The following MYO3B variants were observed in gnomAD, a reference collection of about 807,000 sequenced individuals.
The protein encoded by MYO3B is myosin-IIIb.
MYO3B carries 156 observed loss-of-function variants against 174.6 expected under a neutral mutation model. The observed-to-expected ratio is 0.89, with a 90% confidence interval of 0.78 to 1.02. The LOEUF (loss-of-function observed/expected upper bound fraction) is 1.02, where lower values mean the gene tolerates loss of function less well. Ranked by LOEUF, MYO3B falls within the 50% of genes least tolerant of loss-of-function variation. The pLI is 0.00. For synonymous variants in MYO3B, 563 were observed against 569.1 expected, an observed-to-expected ratio of 0.99 and a Z score of 0.15; for missense variants, 1,632 against 1,639.4, an observed-to-expected ratio of 1.00 and a Z score of 0.08.
intron 23 of MYO3B, among the ~76,000 whole-genome samples, chr2:170,448,573 G>A (rs1683398240): frequency 6.6e-6 from 1 of 152,136 alleles, no homozygotes; most frequent in African/African-American, 2.4e-5. Flanking sequence ...CATGACAAGG[G>A]TGTTAGTATC....
At chr2:170,509,639 G>A (rs2106110602) in intron 28 of MYO3B, among the ~76,000 whole-genome samples, 1 of 152,266 alleles carries the variant, frequency 6.6e-6, no homozygotes, top group Non-Finnish European at 1.5e-5. Flanking sequence ...AAATTTTCAG[G>A]AAGCTCAAAA....
intron 3 of MYO3B, among the ~76,000 whole-genome samples, chr2:170,208,285 A>G (rs1317142686): frequency 6.6e-6 from 1 of 152,194 alleles, no homozygotes; most frequent in Non-Finnish European, 1.5e-5. Flanking sequence ...CCAAATGCTA[A>G]GGTGAAGCTG....
chr2:170,268,803 A>G (rs2093403550), intron 7 of MYO3B, among the ~76,000 whole-genome samples: 1 of 152,192 alleles, frequency 6.6e-6, no homozygotes, highest in African/African-American at 2.4e-5. Context: ...AACTTCTTCA[A>G]ATAAGAAAAA....
chr2:170,369,357 A>G lies in MYO3B; in HGVS notation c.951A>G (p.Gln317=), dbSNP rs540840702. 5.6e-6 allele frequency: 9 copies of G among 1,613,344 alleles called. No homozygotes were observed. In the African/African-American group the frequency reaches 1.2e-4, roughly 21 times the overall value. Reference sequence around the variant, plus strand: ...AGGTTCTCCAAGACCAGAAGCATCAAAATCCTGTTGCTAAAACCAGGTACT... The same window carrying G: ...AGGTTCTCCAAGACCAGAAGCATCAGAATCCTGTTGCTAAAACCAGGTACT... ...LAKVLQDQKH[Q]NPVAKTRHER... The change falls in exon 9 of 35, where the codon CAA becomes CAG. Residue 317 remains glutamine (Q), a synonymous_variant. Transcript: ENST00000408978.
chr2:170,531,968 A>G (rs1689382365), intron 30 of MYO3B, among the ~76,000 whole-genome samples: 1 of 152,270 alleles, frequency 6.6e-6, no homozygotes, highest in Non-Finnish European at 1.5e-5. Context: ...GAGGAGTAAT[A>G]AACTATTTGC....
intron 32 of MYO3B, among the ~76,000 whole-genome samples, chr2:170,586,339 A>G (rs945434027): frequency 1.3e-5 from 2 of 152,228 alleles, no homozygotes; most frequent in African/African-American, 2.4e-5. Context: ...CAACAGAAAC[A>G]TAAGGCTCAG....
At chr2:170,629,787 T>A (rs559390834) in intron 32 of MYO3B, among the ~76,000 whole-genome samples, 1 of 152,176 alleles carries the variant, frequency 6.6e-6, no homozygotes, top group African/African-American at 2.4e-5. Context: ...GAGGCAGACA[T>A]TGCAGTTAGC....
At chr2:170,606,647 A>G (rs979512986) in intron 32 of MYO3B, among the ~76,000 whole-genome samples, 2 of 152,242 alleles carry the variant, frequency 1.3e-5, no homozygotes, top group Admixed American at 6.5e-5. Flanking sequence ...CATTCGATCA[A>G]TGATGAGCAT....
chr2:170,410,020 C>T (rs951886719), intron 22 of MYO3B, among the ~76,000 whole-genome samples: 1 of 152,218 alleles, frequency 6.6e-6, no homozygotes, highest in African/African-American at 2.4e-5. Flanking sequence ...ATGTCCCTCT[C>T]GTGAAGGGGA....
At chr2:170,240,565 G>C (rs1401737696) in intron 7 of MYO3B, among the ~76,000 whole-genome samples, 1 of 152,162 alleles carries the variant, frequency 6.6e-6, no homozygotes, top group Non-Finnish European at 1.5e-5. Flanking sequence ...ACATTGAAAA[G>C]TTAAAGCCCT....
chr2:170,635,447 C>T (rs916810690), intron 32 of MYO3B, among the ~76,000 whole-genome samples: 3 of 151,842 alleles, frequency 2.0e-5, no homozygotes, highest in African/African-American at 7.3e-5. Flanking sequence ...GAACATCACA[C>T]ACCAGGGGCC....
At chr2:170,295,217 A>AG (rs1294762804) in intron 7 of MYO3B, among the ~76,000 whole-genome samples, 1 of 151,982 alleles carries the variant, frequency 6.6e-6, no homozygotes, top group Non-Finnish European at 1.5e-5. Context: ...TTAAAAAAAA[A>AG]TTATCCTGAG....
chr2:170,548,710 T>C (rs1467943018), intron 32 of MYO3B, among the ~76,000 whole-genome samples: 2 of 152,196 alleles, frequency 1.3e-5, no homozygotes, highest in African/African-American at 4.8e-5. Flanking sequence ...ATTCTCCTTA[T>C]TCTTTGTATC....
chr2:170,203,344 G>T (rs991185223), intron 3 of MYO3B, among the ~76,000 whole-genome samples: 3 of 152,146 alleles, frequency 2.0e-5, no homozygotes, highest in Non-Finnish European at 4.4e-5. Flanking sequence ...AAAAGAAATG[G>T]TTTGGAGTAC....
intron 32 of MYO3B, among the ~76,000 whole-genome samples, chr2:170,563,451 A>G (rs2106259095): frequency 6.6e-6 from 1 of 152,242 alleles, no homozygotes; most frequent in South Asian, 2.1e-4. Context: ...ACACAAGACA[A>G]CCCCATAGGA....
chr2:170,654,294 T>C lies in MYO3B; in HGVS notation c.*1173T>C, dbSNP rs555731473. On this transcript the variant is annotated 3_prime_UTR_variant, in exon 35 of 35. Transcript: ENST00000408978. ...AAGAAGCCCTATAAGACCATTTCTC[T>C]AGAACAGATGTTCTTAATATTTTTC... The C allele has an allele frequency of 2.0e-5, 3 of 152,264 alleles. No homozygotes were observed. Among genetic ancestry groups the C allele is most frequent in the Non-Finnish European group, 2.9e-5 (2 of 68,018 alleles). 9.4% of individuals were successfully genotyped at this position (152,264 alleles called of 1,614,324 possible).
chr2:170,269,956 C>T (rs765104343), intron 7 of MYO3B, among the ~76,000 whole-genome samples: 4 of 152,134 alleles, frequency 2.6e-5, no homozygotes, highest in African/African-American at 9.7e-5. Flanking sequence ...TAGGAGATAA[C>T]GATGCTGCTG....
intron 7 of MYO3B, among the ~76,000 whole-genome samples, chr2:170,279,482 G>T (rs1050258932): frequency 6.6e-6 from 1 of 151,372 alleles, no homozygotes; most frequent in South Asian, 2.1e-4. Flanking sequence ...AAACTTTTAG[G>T]TTCAGGGGTA....
chr2:170,432,971 G>C (rs1202894346), intron 22 of MYO3B, among the ~76,000 whole-genome samples: 1 of 152,130 alleles, frequency 6.6e-6, no homozygotes, highest in East Asian at 1.9e-4. Flanking sequence ...ATGTACTAAT[G>C]TACAGTGAAT....
Sources: gnomAD v4.1 joint callset for allele counts (sites outside exome capture counted in the v4.1 genomes callset) on GRCh38, gnomAD v4.1.1 for gene constraint, MANE v1.5 for transcripts, NCBI Gene and HGNC (gene_info 2026-07-23, HGNC 2026-07-21) for gene names.